SLC8A3: variants seen among roughly 807,000 people sequenced by gnomAD.
SLC8A3 encodes solute carrier family 8 member A3.
SLC8A3 carries 37 observed loss-of-function variants against 65.4 expected under a neutral mutation model. The ratio of observed to expected loss-of-function variants is 0.57; its 90% CI spans 0.44 to 0.74. The LOEUF (loss-of-function observed/expected upper bound fraction) is 0.74, where lower values mean the gene tolerates loss of function less well. Among genes scored for constraint, SLC8A3 ranks in the 30% least tolerant of loss-of-function variants. The probability of loss-of-function intolerance (pLI) is 0.00; values close to 1 mark genes in which losing one functional copy is unlikely to be tolerated. For synonymous variants in SLC8A3, 461 were observed against 444.5 expected (o/e 1.04, Z -0.47); for missense variants, 1,112 against 1,172.1 (o/e 0.95, Z 0.75).
intron 2 of SLC8A3, among the ~76,000 whole-genome samples, chr14:70,085,952 A>C (rs930988365): frequency 1.6e-4 from 24 of 152,232 alleles, no homozygotes; most frequent in African/African-American, 5.1e-4. Flanking sequence ...TGATAGAGAC[A>C]GAAAGTGAAC....
At chr14:70,102,784 A>C (rs1892625113) in intron 2 of SLC8A3, among the ~76,000 whole-genome samples, 1 of 152,152 alleles carries the variant, frequency 6.6e-6, no homozygotes, top group Non-Finnish European at 1.5e-5. Flanking sequence ...AAAAAAATTG[A>C]AAAATGAACA....
At position 70,176,872 on chromosome 14, in the gene SLC8A3, T is replaced by C. The variant is rs1419955603; in HGVS notation, c.-62-8388A>G. 2.0e-5 allele frequency among the ~76,000 whole-genome samples: 3 copies of C among 152,252 alleles called. No individual in the cohort carries two copies. The East Asian group carries it at 5.8e-4, about 29-fold the overall frequency. On this transcript the variant is annotated intron_variant, in intron 1 of 6. Coordinates refer to ENST00000356921, the MANE Select transcript of SLC8A3 (RefSeq NM_182932.3). ...ATTCGTCCATTTTCAGCAAGTTGTATTTCTAATTATTTTTCCTTTCACTGA... is the reference window on the plus strand; with the variant it reads ...ATTCGTCCATTTTCAGCAAGTTGTACTTCTAATTATTTTTCCTTTCACTGA...
intron 1 of SLC8A3, among the ~76,000 whole-genome samples, chr14:70,178,657 G>A (rs935663909): frequency 3.3e-5 from 5 of 152,334 alleles, no homozygotes; most frequent in East Asian, 1.9e-4. Context: ...ATTCATGAAC[G>A]AAAGTATTGG....
intron 2 of SLC8A3, among the ~76,000 whole-genome samples, chr14:70,128,852 T>A (rs1301897223): frequency 6.6e-6 from 1 of 152,196 alleles, no homozygotes; most frequent in African/African-American, 2.4e-5. Flanking sequence ...CCTACCAATT[T>A]AAAAGCTCAC....
At chr14:70,077,274 C>T (rs1890623039) in intron 2 of SLC8A3, among the ~76,000 whole-genome samples, 1 of 152,144 alleles carries the variant, frequency 6.6e-6, no homozygotes. Context: ...AAGGAGTATG[C>T]TTTGAGAGGT....
At chr14:70,086,672 G>A (rs547783316) in intron 2 of SLC8A3, among the ~76,000 whole-genome samples, 2 of 152,028 alleles carry the variant, frequency 1.3e-5, no homozygotes, top group Non-Finnish European at 2.9e-5. Context: ...CCAAAGTGCT[G>A]AGCCACTGCA....
rs750020324 is a variant in SLC8A3 at position 70,049,190 on chromosome 14, C to T, written c.2114-148G>A. ...GGCAGCTGGTGGGGGCCAGGGCCAGCGTGCCAGAAAATAGTGGGGAAACAA... is the reference window on the plus strand; with the variant it reads ...GGCAGCTGGTGGGGGCCAGGGCCAGTGTGCCAGAAAATAGTGGGGAAACAA... On this transcript the variant is annotated intron_variant, in intron 5 of 6. Coordinates refer to ENST00000356921, the MANE Select transcript of SLC8A3 (RefSeq NM_182932.3). 3.4e-5 allele frequency: 26 copies of T among 772,610 alleles called. 1 individual carries two copies. The highest frequency in any genetic ancestry group is 2.5e-4 in the South Asian group (13 of 52,812). 47.9% of individuals were successfully genotyped at this position (772,610 alleles called of 1,614,324 possible).
chr14:70,063,738 G>C, intron 2 of SLC8A3: 1 of 747,126 alleles, frequency 1.3e-6, no homozygotes, highest in Non-Finnish European at 2.4e-6. Flanking sequence ...AAGACAAGAG[G>C]AGGAGGAGAC....
intron 1 of SLC8A3, among the ~76,000 whole-genome samples, chr14:70,177,783 A>G (rs1158903486): frequency 6.6e-6 from 1 of 152,242 alleles, no homozygotes; most frequent in Non-Finnish European, 1.5e-5. Context: ...GAAGCACTGA[A>G]GGTTTTTAAT....
At chr14:70,169,691 T>TTG (rs1412583325) in intron 1 of SLC8A3, among the ~76,000 whole-genome samples, 1 of 103,544 alleles carries the variant, frequency 9.7e-6, no homozygotes, top group Non-Finnish European at 1.9e-5. Flanking sequence ...AAAAAAAAAG[T>TTG]GGGGGGGGGG....
chr14:70,118,536 G>A (rs934529913), intron 2 of SLC8A3, among the ~76,000 whole-genome samples: 2 of 152,172 alleles, frequency 1.3e-5, no homozygotes, highest in Admixed American at 6.5e-5. Flanking sequence ...TTTCTGTGGG[G>A]TCAATCTGAT....
At chr14:70,159,902 G>A (rs192572142) in intron 2 of SLC8A3, among the ~76,000 whole-genome samples, 5 of 152,056 alleles carry the variant, frequency 3.3e-5, no homozygotes, top group East Asian at 1.9e-4. Context: ...CATTCTCCCC[G>A]ATGTGCTCTC....
At chr14:70,181,270 T>C (rs545485168) in intron 1 of SLC8A3, among the ~76,000 whole-genome samples, 2 of 152,286 alleles carry the variant, frequency 1.3e-5, no homozygotes, top group South Asian at 4.2e-4. Context: ...GAATTTTGAC[T>C]CCACCACTGT....
intron 2 of SLC8A3, among the ~76,000 whole-genome samples, chr14:70,062,483 T>C (rs1008700629): frequency 1.3e-5 from 2 of 152,202 alleles, no homozygotes; most frequent in East Asian, 3.8e-4. Flanking sequence ...TTGCCTGCAA[T>C]ATTCAGTACA....
chr14:70,056,395 T>A (rs1888117722), intron 3 of SLC8A3, among the ~76,000 whole-genome samples: 2 of 152,214 alleles, frequency 1.3e-5, no homozygotes, highest in Non-Finnish European at 2.9e-5. Context: ...AAGGTTTCCA[T>A]CACCACAAAT....
chr14:70,073,076 CCCTT>C (rs1295430813), intron 2 of SLC8A3, among the ~76,000 whole-genome samples: 1 of 151,926 alleles, frequency 6.6e-6, no homozygotes, highest in Non-Finnish European at 1.5e-5. Flanking sequence ...CCCTTCCCTT[CCCTT>C]CCTTCCTTCC....
At chr14:70,063,504 C>G (rs928764656) in intron 2 of SLC8A3, among the ~76,000 whole-genome samples, 2 of 152,208 alleles carry the variant, frequency 1.3e-5, no homozygotes, top group African/African-American at 4.8e-5. Flanking sequence ...AAGAGCCGCA[C>G]ATGATACTCC....
intron 2 of SLC8A3, among the ~76,000 whole-genome samples, chr14:70,092,751 C>T (rs1891892209): frequency 6.6e-6 from 1 of 152,076 alleles, no homozygotes; most frequent in Non-Finnish European, 1.5e-5. Context: ...AAAAGATGGC[C>T]TAAAAGAAAA....
At chr14:70,145,467 G>T (rs1895868856) in intron 2 of SLC8A3, among the ~76,000 whole-genome samples, 1 of 152,206 alleles carries the variant, frequency 6.6e-6, no homozygotes, top group South Asian at 2.1e-4. Context: ...TATGGAATCA[G>T]GTCTGCTGTT....
Sources: gnomAD v4.1 joint callset for allele counts (sites outside exome capture counted in the v4.1 genomes callset) on GRCh38, gnomAD v4.1.1 for gene constraint, MANE v1.5 for transcripts, NCBI Gene and HGNC (gene_info 2026-07-23, HGNC 2026-07-21) for gene names.